Variants in CDC25A observed in about 807,000 individuals in gnomAD.
The protein encoded by CDC25A is M-phase inducer phosphatase 1.
CDC25A carries 17 observed loss-of-function variants against 64.6 expected under a neutral mutation model. The ratio of observed to expected loss-of-function variants is 0.26; its 90% CI spans 0.18 to 0.39. CDC25A has a LOEUF of 0.39. Ranked by LOEUF, CDC25A falls within the 10% of genes least tolerant of loss-of-function variation. CDC25A has a pLI of 1.00. For synonymous variants in CDC25A, 229 were observed against 238.6 expected, an observed-to-expected ratio of 0.96 and a Z score of 0.37; for missense variants, 473 against 654.8, an observed-to-expected ratio of 0.72 and a Z score of 3.03.
chr3:48,161,717 A>AAAAAAAT (rs2031773348), intron 13 of CDC25A, among the ~76,000 whole-genome samples: 2 of 152,084 alleles, frequency 1.3e-5, no homozygotes, highest in African/African-American at 2.4e-5. Context: ...TCAAAAATAA[A>AAAAAAAT]AAAAAAAGAG....
intron 9 of CDC25A, among the ~76,000 whole-genome samples, chr3:48,173,546 C>G (rs1256094678): frequency 6.6e-6 from 1 of 152,202 alleles, no homozygotes; most frequent in Non-Finnish European, 1.5e-5. Flanking sequence ...CTAGTCAACA[C>G]AGAAACAATT....
chr3:48,170,008 C>CA (rs553600722), intron 9 of CDC25A, among the ~76,000 whole-genome samples: 6,345 of 134,688 alleles, frequency 0.047, 382 homozygotes, highest in African/African-American at 0.15. Flanking sequence ...GACTTGGTCT[C>CA]AAAAAAAAAA....
At chr3:48,165,936 A>C (rs377165934) in intron 10 of CDC25A, 43 bp from the exon 11 acceptor site, 35 of 1,295,124 alleles carry the variant, frequency 2.7e-5, no homozygotes, top group Non-Finnish European at 3.6e-5. Context: ...GAAAGCCTAT[A>C]TATTATTCAC....
chr3:48,184,894 ATAGCGTATT>A (rs1016245904), intron 2 of CDC25A, among the ~76,000 whole-genome samples, 199 bp from the exon 3 acceptor site: 1 of 152,186 alleles, frequency 6.6e-6, no homozygotes, highest in African/African-American at 2.4e-5. Context: ...TAATATTTTC[ATAGCGTATT>A]TACTGTTTTT....
At chr3:48,162,531 T>C (rs987207340) in intron 13 of CDC25A, among the ~76,000 whole-genome samples, 1 of 150,408 alleles carries the variant, frequency 6.6e-6, no homozygotes, top group Non-Finnish European at 1.5e-5. Context: ...TGCCCAGCCA[T>C]AACCTCACCT....
At chr3:48,175,529 C>A (rs567911211) in intron 8 of CDC25A, among the ~76,000 whole-genome samples, 1 of 152,258 alleles carries the variant, frequency 6.6e-6, no homozygotes, top group Non-Finnish European at 1.5e-5. Flanking sequence ...TCCTGATAGT[C>A]CCCAGTAGAA....
Position 48,173,572 on chromosome 3 carries a change from CG to C in CDC25A, c.930+711del, listed in dbSNP as rs2032346768. The stretch of plus-strand genomic sequence containing the variant: ...AGAAACAATTATGGCCAACAGCAAG[CG>C]GGGGCCTCCACCTTTGCCCAGCTGT... On this transcript the variant is annotated intron_variant, in intron 9 of 14. Coordinates refer to ENST00000302506, the MANE Select transcript of CDC25A (RefSeq NM_001789.3). 2.6e-5 allele frequency among the ~76,000 whole-genome samples: 4 copies of C among 152,234 alleles called. No individual in the cohort carries two copies. The South Asian group carries it at 8.3e-4, about 32-fold the overall frequency.
At chr3:48,183,904 G>T in intron 3 of CDC25A, 68 bp from the exon 4 acceptor site, 1 of 1,009,104 alleles carries the variant, frequency 9.9e-7, no homozygotes. Flanking sequence ...TTAGCAGAGA[G>T]ATAGTGTTTA....
At chr3:48,170,252 T>C (rs188682477) in intron 9 of CDC25A, among the ~76,000 whole-genome samples, 1 of 152,230 alleles carries the variant, frequency 6.6e-6, no homozygotes, top group Non-Finnish European at 1.5e-5. Flanking sequence ...TGACACTATC[T>C]ACCTGCAGAG....
In CDC25A at chr3:48,188,061, C is replaced by A; in HGVS notation, c.-114G>T. The A allele has an allele frequency of 1.1e-6, 1 of 910,602 alleles. No individual in the cohort carries two copies. Among genetic ancestry groups the A allele is most frequent in the Non-Finnish European group, 1.4e-6 (1 of 692,438 alleles). The allele number at this position is 910,602 out of a possible 1,614,324, so 56.4% of individuals were successfully genotyped here. On this transcript the variant is annotated 5_prime_UTR_variant, in exon 1 of 15. Coordinates refer to ENST00000302506, the MANE Select transcript of CDC25A (RefSeq NM_001789.3). The stretch of plus-strand genomic sequence containing the variant: ...GCGCCACCGGCGCCCGCGGGTCAAA[C>A]ACAAACACGACTCCGCGGTTCAGGG...
chr3:48,159,465 G>A lies in CDC25A; in HGVS notation c.1323-10C>T, dbSNP rs749260890. 19 of 1,600,674 alleles carry A rather than the reference G, an allele frequency of 1.2e-5. No individual in the cohort carries two copies. Among genetic ancestry groups the A allele is most frequent in the Non-Finnish European group, 1.6e-5 (19 of 1,167,932 alleles). The stretch of plus-strand genomic sequence containing the variant: ...TCTCACATACCGGCACCTAGTCAGG[G>A]GAAGGAAGGCCAAAGCAGGGTTAGC... On this transcript the variant is annotated splice_polypyrimidine_tract_variant and intron_variant, in intron 13 of 14. Coordinates refer to ENST00000302506, the MANE Select transcript of CDC25A (RefSeq NM_001789.3).
intron 13 of CDC25A, among the ~76,000 whole-genome samples, chr3:48,163,685 T>C (rs934105329): frequency 4.6e-5 from 7 of 152,336 alleles, no homozygotes; most frequent in African/African-American, 1.4e-4. Flanking sequence ...CATAAGAACG[T>C]GGTCCTGCAG....
intron 5 of CDC25A, 47 bp downstream of exon 5, chr3:48,182,882 G>C (rs1405003887): frequency 7.9e-7 from 1 of 1,259,792 alleles, no homozygotes; most frequent in Admixed American, 1.7e-5. Context: ...CTGACAGCCT[G>C]TGGGTTTCAC....
At position 48,170,794 on chromosome 3, in the gene CDC25A, G is replaced by T. The variant is rs2032241731; in HGVS notation, c.931-2850C>A. On this transcript the variant is annotated intron_variant, in intron 9 of 14. Transcript: ENST00000302506. The stretch of plus-strand genomic sequence containing the variant: ...GCTATCAATCATTAGTATACAAAAA[G>T]ATATGACCTTGGATATTCCAAAGAT... Among the ~76,000 whole-genome samples, 3 of 152,108 alleles carry T rather than the reference G, an allele frequency of 2.0e-5. No homozygotes were observed. In the South Asian group the frequency reaches 6.2e-4, roughly 32 times the overall value.
chr3:48,165,444 T>C (rs1037063401), intron 12 of CDC25A, among the ~76,000 whole-genome samples, 192 bp downstream of exon 12: 2 of 152,082 alleles, frequency 1.3e-5, no homozygotes, highest in Non-Finnish European at 2.9e-5. Flanking sequence ...CACAAGGTGG[T>C]AGAGAGTATT....
At chr3:48,183,467 G>T (rs909236766) in intron 4 of CDC25A, among the ~76,000 whole-genome samples, 2 of 152,168 alleles carry the variant, frequency 1.3e-5, no homozygotes, top group Admixed American at 6.5e-5. Flanking sequence ...GGCCGAGGCA[G>T]GAGTTTGAAA....
intron 9 of CDC25A, among the ~76,000 whole-genome samples, chr3:48,172,718 G>T (rs2032312845): frequency 6.6e-6 from 1 of 152,214 alleles, no homozygotes; most frequent in South Asian, 2.1e-4. Flanking sequence ...ACAAAAATTA[G>T]CTGGGTTTGG....
intron 9 of CDC25A, among the ~76,000 whole-genome samples, chr3:48,171,878 A>G (rs917151308): frequency 6.6e-6 from 1 of 152,254 alleles, no homozygotes; most frequent in Non-Finnish European, 1.5e-5. Flanking sequence ...ACTATCGGCC[A>G]GGTGCACTGG....
intron 10 of CDC25A, among the ~76,000 whole-genome samples, chr3:48,167,574 G>A (rs545419836): frequency 6.6e-6 from 1 of 152,296 alleles, no homozygotes; most frequent in African/African-American, 2.4e-5. Flanking sequence ...ACAGTTCCCA[G>A]AGAGCCTAGT....
Sources: gnomAD v4.1 joint callset for allele counts (sites outside exome capture counted in the v4.1 genomes callset) on GRCh38, gnomAD v4.1.1 for gene constraint, MANE v1.5 for transcripts, NCBI Gene and HGNC (gene_info 2026-07-23, HGNC 2026-07-21) for gene names.